Variants in RBFOX3 observed in about 807,000 individuals in gnomAD.
RBFOX3 encodes the protein RNA binding fox-1 homolog 3.
A neutral mutation model predicts 48.7 loss-of-function variants in RBFOX3; 17 were observed. The ratio of observed to expected loss-of-function variants is 0.35; its 90% CI spans 0.24 to 0.52. The LOEUF (loss-of-function observed/expected upper bound fraction) is 0.52, where lower values mean the gene tolerates loss of function less well. Among genes scored for constraint, RBFOX3 ranks in the 20% least tolerant of loss-of-function variants. The pLI, the probability that RBFOX3 is intolerant of heterozygous loss-of-function variation, is 0.94. For missense variants in RBFOX3, 382 were observed against 497.5 expected (o/e 0.77, Z 2.21); for synonymous variants, 212 against 209.5 (o/e 1.01, Z -0.10).
At chr17:79,290,904 A>G (rs1330194079) in intron 3 of RBFOX3, among the ~76,000 whole-genome samples, 1 of 152,078 alleles carries the variant, frequency 6.6e-6, no homozygotes, top group Non-Finnish European at 1.5e-5. Flanking sequence ...GTGTGCTTGG[A>G]TTGGAATCTG....
At chr17:79,360,849 C>T (rs959864890) in intron 2 of RBFOX3, among the ~76,000 whole-genome samples, 2 of 136,360 alleles carry the variant, frequency 1.5e-5, no homozygotes, top group Non-Finnish European at 3.1e-5. Flanking sequence ...TTTTAAGAAA[C>T]AGATTAAATT....
chr17:79,243,471 A>T lies in RBFOX3; in HGVS notation c.-73-7666T>A, dbSNP rs2062696356. ...AGCTGTGCTGGGCTTTGCAAAGCCC[A>T]TGTGCCTTTGCCCTGGGGTGTCATT... On this transcript the variant is annotated intron_variant, in intron 3 of 14. Coordinates refer to ENST00000693108, the MANE Select transcript of RBFOX3 (RefSeq NM_001350451.2). This position sits in a 1 kb window ranked among gnomAD's most constrained non-coding sequence, Gnocchi z 7.9. Among the ~76,000 whole-genome samples the T allele has an allele frequency of 6.6e-6, 1 of 152,064 alleles. No individual in the cohort carries two copies. Among genetic ancestry groups the T allele is most frequent in the South Asian group, 2.1e-4 (1 of 4,824 alleles).
At chr17:79,246,202 G>A (rs761361965) in intron 3 of RBFOX3, among the ~76,000 whole-genome samples, 9 of 152,112 alleles carry the variant, frequency 5.9e-5, no homozygotes, top group South Asian at 2.1e-4. Flanking sequence ...AAGCTGAAAC[G>A]ACCCTGCCTC....
intron 3 of RBFOX3, among the ~76,000 whole-genome samples, chr17:79,294,567 TG>T (rs1275888856): frequency 2.0e-5 from 3 of 152,140 alleles, no homozygotes; most frequent in African/African-American, 7.2e-5. Flanking sequence ...CTGCCGCGAC[TG>T]GGATTATAAG....
chr17:79,356,360 T>TTTTTTTTTTTTTG (rs2085034453), intron 2 of RBFOX3, among the ~76,000 whole-genome samples: 1 of 68,268 alleles, frequency 1.5e-5, no homozygotes, highest in Admixed American at 1.7e-4. Flanking sequence ...TTTTTTTTTT[T>TTTTTTTTTTTTTG]TTTTTTTTTT....
chr17:79,463,119 C>T (rs2075643742), intron 2 of RBFOX3, among the ~76,000 whole-genome samples: 1 of 150,540 alleles, frequency 6.6e-6, no homozygotes, highest in Admixed American at 6.6e-5. Flanking sequence ...ATCGCCACTG[C>T]CATCGCCACC....
chr17:79,233,838 C>G (rs996977148), intron 4 of RBFOX3: 1 of 152,236 alleles, frequency 6.6e-6, no homozygotes, highest in Non-Finnish European at 1.5e-5. Flanking sequence ...AACTCCTGAC[C>G]TCAGGTGATA....
chr17:79,090,915 C>T lies in RBFOX3; in HGVS notation c.1078-30G>A, dbSNP rs201393898. 7,413 of 1,517,474 alleles carry T rather than the reference C, an allele frequency of 4.9e-3. 22 individuals are homozygous for T. The highest frequency in any genetic ancestry group is 6.1e-3 in the Non-Finnish European group (6,898 of 1,135,798). The allele number at this position is 1,517,474 out of a possible 1,614,324, so 94.0% of individuals were successfully genotyped here. On this transcript the variant is annotated intron_variant, in intron 14 of 14. Coordinates refer to ENST00000693108, the MANE Select transcript of RBFOX3 (RefSeq NM_001350451.2). ...AACAGAAACAGAAAGGCAGGACTTGCAGCTTCTCGGGGGAGGCACAGCAGG... is the reference window on the plus strand; with the variant it reads ...AACAGAAACAGAAAGGCAGGACTTGTAGCTTCTCGGGGGAGGCACAGCAGG...
chr17:79,180,926 G>A (rs951815941), intron 4 of RBFOX3, among the ~76,000 whole-genome samples: 1 of 152,130 alleles, frequency 6.6e-6, no homozygotes. Flanking sequence ...CCTTCCCACT[G>A]CCCCTACAGA....
chr17:79,237,715 C>T (rs1420552635), intron 3 of RBFOX3, among the ~76,000 whole-genome samples: 1 of 152,204 alleles, frequency 6.6e-6, no homozygotes, highest in African/African-American at 2.4e-5. Context: ...GAACTGGGCA[C>T]TGGGCTGGCC....
At chr17:79,627,671 C>T in the RBFOX3 span, among the ~76,000 whole-genome samples, 5 of 152,308 alleles carry the variant, frequency 3.3e-5, no homozygotes, top group East Asian at 1.9e-4. Flanking sequence ...CAGGGAGCAG[C>T]GGCGTAGGTG....
the RBFOX3 span, among the ~76,000 whole-genome samples, chr17:79,620,318 TACATACACGCACGCACACAG>T: frequency 8.5e-6 from 1 of 118,116 alleles, no homozygotes; most frequent in South Asian, 2.8e-4. Context: ...CACAAATATG[TACATACACGCACGCACACAG>T]ACATGCACAC....
intron 4 of RBFOX3, among the ~76,000 whole-genome samples, chr17:79,187,942 T>A (rs117139237): frequency 0.049 from 7,390 of 152,174 alleles, 214 homozygotes; most frequent in South Asian, 0.088. Context: ...AGCCTTTTTT[T>A]AAAAAAATGT....
intron 4 of RBFOX3, among the ~76,000 whole-genome samples, chr17:79,197,096 T>C (rs2146668110): frequency 6.7e-6 from 1 of 148,946 alleles, no homozygotes; most frequent in Admixed American, 6.7e-5. Context: ...GCTGTGCCCA[T>C]GTGGGTGGCT....
chr17:79,267,162 C>A (rs1349986977), intron 3 of RBFOX3, among the ~76,000 whole-genome samples: 1 of 151,972 alleles, frequency 6.6e-6, no homozygotes, highest in East Asian at 1.9e-4. Flanking sequence ...AGCCCACCCA[C>A]TTGGGGTGGG....
chr17:79,614,404 A>C (rs2093986258), upstream of RBFOX3, among the ~76,000 whole-genome samples: 2 of 152,214 alleles, frequency 1.3e-5, no homozygotes, highest in Non-Finnish European at 2.9e-5. Context: ...CCAGAGGGGA[A>C]ACCTGAAGAT....
At chr17:79,590,610 C>A (rs2093387719) in intron 1 of RBFOX3, among the ~76,000 whole-genome samples, 1 of 152,132 alleles carries the variant, frequency 6.6e-6, no homozygotes. Flanking sequence ...CCCAGGACAT[C>A]CCAGCTGGGG....
chr17:79,478,103 G>A lies in RBFOX3; in HGVS notation c.-175+4351C>T, dbSNP rs750615409. ...ATGTGCTCCAGGAAGCCCCACGCAC[G>A]TTCCCACGGCTCATGCGGGCAGCCT... is the stretch of plus-strand genomic sequence containing the variant. On this transcript the variant is annotated intron_variant, in intron 2 of 14. Transcript: ENST00000693108. Among the ~76,000 whole-genome samples, 950 of 152,302 alleles carry A rather than the reference G, an allele frequency of 6.2e-3. 2 individuals carry two copies. Among genetic ancestry groups the A allele is most frequent in the Middle Eastern group, 0.02 (6 of 294 alleles).
chr17:79,431,736 C>T (rs1050977138), intron 2 of RBFOX3, among the ~76,000 whole-genome samples: 16 of 152,196 alleles, frequency 1.1e-4, no homozygotes, highest in Admixed American at 7.2e-4. Context: ...CCTCCTGCCT[C>T]GGCCTCCCAA....
Sources: gnomAD v4.1 joint callset for allele counts (sites outside exome capture counted in the v4.1 genomes callset) on GRCh38, gnomAD v4.1.1 for gene constraint, Gnocchi (gnomAD v3.1) non-coding constraint, MANE v1.5 for transcripts, NCBI Gene and HGNC (gene_info 2026-07-23, HGNC 2026-07-21) for gene names.